SLC23A2: variants seen among roughly 807,000 people sequenced by gnomAD.
The protein encoded by SLC23A2 is Na(+)/L-ascorbic acid transporter 2.
In SLC23A2, 36 loss-of-function variants were observed where a neutral mutation model predicts 73.3. That is an observed-to-expected ratio of 0.49 (90% CI 0.38 to 0.65). SLC23A2 has a LOEUF of 0.65. Ranked by LOEUF, SLC23A2 falls within the 30% of genes least tolerant of loss-of-function variation. SLC23A2 has a pLI of 0.00. For synonymous variants in SLC23A2, 343 were observed against 327.3 expected, an observed-to-expected ratio of 1.05 and a Z score of -0.52; for missense variants, 507 against 841.6, an observed-to-expected ratio of 0.60 and a Z score of 4.92.
intron 3 of SLC23A2, among the ~76,000 whole-genome samples, chr20:4,930,573 T>C (rs1337769740): frequency 6.6e-6 from 1 of 152,038 alleles, no homozygotes; most frequent in Non-Finnish European, 1.5e-5. Context: ...AATCCCAGCA[T>C]TTTGGGAGGC....
chr20:4,879,896 G>T (rs2122819205), intron 9 of SLC23A2, among the ~76,000 whole-genome samples: 1 of 152,318 alleles, frequency 6.6e-6, no homozygotes, highest in Middle Eastern at 3.4e-3. Flanking sequence ...CAAATTAAGG[G>T]TGGACAGGGC....
At chr20:4,904,599 T>TGG (rs376859575) in intron 4 of SLC23A2, among the ~76,000 whole-genome samples, 37 of 152,354 alleles carry the variant, frequency 2.4e-4, no homozygotes, top group African/African-American at 7.9e-4. Context: ...ATTACAGACC[T>TGG]GGGGCTCACT....
chr20:4,982,315 A>C (rs1252360959), intron 1 of SLC23A2, among the ~76,000 whole-genome samples: 1 of 152,180 alleles, frequency 6.6e-6, no homozygotes, highest in African/African-American at 2.4e-5. Flanking sequence ...TTAATTTGAA[A>C]AAATGGAATG....
chr20:4,937,899 C>T (rs529512163), intron 2 of SLC23A2, among the ~76,000 whole-genome samples: 2 of 152,058 alleles, frequency 1.3e-5, no homozygotes, highest in African/African-American at 4.8e-5. Flanking sequence ...AGGGCTGATA[C>T]CCACCCTCCT....
At chr20:4,964,250 C>A (rs1239274947) in intron 2 of SLC23A2, among the ~76,000 whole-genome samples, 1 of 152,138 alleles carries the variant, frequency 6.6e-6, no homozygotes, top group Non-Finnish European at 1.5e-5. Flanking sequence ...CCACATCAGC[C>A]TCCCAAAGTG....
intron 1 of SLC23A2, among the ~76,000 whole-genome samples, chr20:4,986,740 G>C (rs912316448): frequency 2.0e-5 from 3 of 146,466 alleles, no homozygotes; most frequent in Non-Finnish European, 4.5e-5. Flanking sequence ...AAAAAGTCTG[G>C]AAAATATATT....
intron 1 of SLC23A2, among the ~76,000 whole-genome samples, chr20:4,980,945 G>A (rs1469362542): frequency 6.6e-6 from 1 of 152,144 alleles, no homozygotes; most frequent in East Asian, 1.9e-4. Flanking sequence ...TCTAAGACAG[G>A]ACACCAGTCC....
chr20:4,942,218 T>C (rs2087053054), intron 2 of SLC23A2, among the ~76,000 whole-genome samples: 1 of 152,112 alleles, frequency 6.6e-6, no homozygotes, highest in Non-Finnish European at 1.5e-5. Flanking sequence ...AATAATGTCC[T>C]CATGTTTAAA....
At chr20:4,938,914 T>C (rs2087001315) in intron 2 of SLC23A2, among the ~76,000 whole-genome samples, 2 of 152,042 alleles carry the variant, frequency 1.3e-5, no homozygotes, top group African/African-American at 4.8e-5. Flanking sequence ...CCATCAATAC[T>C]TCCTCTGATC....
intron 2 of SLC23A2, among the ~76,000 whole-genome samples, chr20:4,961,911 T>C: frequency 6.6e-6 from 1 of 152,140 alleles, no homozygotes; most frequent in East Asian, 1.9e-4. Flanking sequence ...ACACAGACCA[T>C]CTGCAGTGAT....
At chr20:4,997,355 C>A (rs1444772302) in intron 1 of SLC23A2, among the ~76,000 whole-genome samples, 1 of 152,140 alleles carries the variant, frequency 6.6e-6, no homozygotes, top group African/African-American at 2.4e-5. Context: ...AGACCAAATT[C>A]TCCCCTCCTC....
chr20:4,965,941 T>C (rs2087467387), intron 2 of SLC23A2, among the ~76,000 whole-genome samples: 1 of 132,372 alleles, frequency 7.6e-6, no homozygotes, highest in Non-Finnish European at 1.5e-5. Context: ...CACTCCACCC[T>C]GGGTGACTGA....
At chr20:4,999,569 T>A (rs1023138677) in intron 1 of SLC23A2, among the ~76,000 whole-genome samples, 20 of 152,186 alleles carry the variant, frequency 1.3e-4, no homozygotes, top group African/African-American at 4.6e-4. Flanking sequence ...TTTTTTTTTT[T>A]TTTATAGAAA....
At chr20:4,877,905 C>T (rs527858673) in intron 9 of SLC23A2, among the ~76,000 whole-genome samples, 5 of 152,246 alleles carry the variant, frequency 3.3e-5, no homozygotes, top group Non-Finnish European at 5.9e-5. Flanking sequence ...CCCTGAGACT[C>T]CGTCTCTAAA....
At chr20:4,915,377 T>C (rs1932287221) in intron 3 of SLC23A2, among the ~76,000 whole-genome samples, 1 of 152,220 alleles carries the variant, frequency 6.6e-6, no homozygotes, top group Non-Finnish European at 1.5e-5. Context: ...TACTCCAAAA[T>C]GCTAACAGTG....
Position 4,972,710 on chromosome 20 carries a change from C to T in SLC23A2, c.-281-1791G>A, listed in dbSNP as rs777628265. On this transcript the variant is annotated intron_variant, in intron 1 of 16. Transcript: ENST00000338244. ...AAGCGATTCTCTTGCCTCAGCCTCC[C>T]GAGCAGCTGGGATTACAGGTGCCCG... is the stretch of plus-strand genomic sequence containing the variant. Among the ~76,000 whole-genome samples, 10 of 152,010 alleles carry T rather than the reference C, an allele frequency of 6.6e-5. No homozygotes were observed. The East Asian group carries it at 7.7e-4, about 12-fold the overall frequency.
chr20:4,867,959 C>T, intron 12 of SLC23A2, 84 bp from the exon 13 acceptor site: 2 of 799,412 alleles, frequency 2.5e-6, no homozygotes, highest in Middle Eastern at 5.0e-4. Context: ...CATCTACAAT[C>T]CAAAAATGTG....
intron 2 of SLC23A2, among the ~76,000 whole-genome samples, chr20:4,962,669 G>C (rs2087411225): frequency 6.6e-6 from 1 of 152,234 alleles, no homozygotes; most frequent in Non-Finnish European, 1.5e-5. Flanking sequence ...TGGCAGGCCA[G>C]GAGCCAACAT....
Position 4,913,109 on chromosome 20 carries a change from C to T in SLC23A2, c.109-131G>A, listed in dbSNP as rs566914585. On this transcript the variant is annotated intron_variant, in intron 3 of 16. Coordinates refer to ENST00000338244, the MANE Select transcript of SLC23A2 (RefSeq NM_005116.6). Reference sequence around the variant, plus strand: ...TGATGGAGAAACATACTCCATGTACCGTATGGGGAGGCTGCCTTAGCAGAA... The same window carrying T: ...TGATGGAGAAACATACTCCATGTACTGTATGGGGAGGCTGCCTTAGCAGAA... The T allele has an allele frequency of 1.2e-4, 79 of 655,692 alleles. 1 individual carries two copies. Among genetic ancestry groups the T allele is most frequent in the Middle Eastern group, 2.5e-4 (1 of 4,034 alleles). 40.6% of individuals were successfully genotyped at this position (655,692 alleles called of 1,614,324 possible).
Sources: allele counts gnomAD v4.1 joint callset (sites outside exome capture counted in the v4.1 genomes callset), GRCh38; gene constraint gnomAD v4.1.1; transcripts MANE v1.5; gene names NCBI Gene and HGNC (gene_info 2026-07-23, HGNC 2026-07-21).